Variants in PIEZO2 observed in about 807,000 individuals in gnomAD.
PIEZO2 encodes the protein piezo type mechanosensitive ion channel component 2, also known as piezo-type mechanosensitive ion channel component 2.
Under a neutral mutation model 337.3 loss-of-function variants are expected in PIEZO2, and 172 were observed. That is an observed-to-expected ratio of 0.51 (90% CI 0.45 to 0.58). The LOEUF is 0.58. Among genes scored for constraint, PIEZO2 ranks in the 20% least tolerant of loss-of-function variants. PIEZO2 has a pLI of 0.00. For missense variants in PIEZO2, 3,028 were observed against 3,391.3 expected (o/e 0.89, Z 2.66); for synonymous variants, 1,251 against 1,228.5 (o/e 1.02, Z -0.38).
intron 2 of PIEZO2, among the ~76,000 whole-genome samples, chr18:11,008,480 C>T (rs1218303920): frequency 6.6e-6 from 1 of 152,188 alleles, no homozygotes; most frequent in Non-Finnish European, 1.5e-5. Context: ...CAACGACTTT[C>T]CCAGTTCCCA....
At chr18:11,084,605 T>C (rs185596271) in intron 1 of PIEZO2, among the ~76,000 whole-genome samples, 363 of 152,226 alleles carry the variant, frequency 2.4e-3, no homozygotes, top group African/African-American at 8.5e-3. Flanking sequence ...TGTGGATCCC[T>C]ATGTGATTTG....
intron 1 of PIEZO2, among the ~76,000 whole-genome samples, chr18:11,134,446 C>T (rs1036758715): frequency 2.0e-5 from 3 of 152,168 alleles, no homozygotes; most frequent in African/African-American, 7.2e-5. Context: ...ACGGCTGTGA[C>T]AGTGACCACC....
At position 11,078,061 on chromosome 18, in the gene PIEZO2, CACACACCA is replaced by C. The variant is rs1430944103; in HGVS notation, c.65-11847_65-11840del. On this transcript the variant is annotated intron_variant, in intron 1 of 55. Coordinates refer to ENST00000674853, the MANE Select transcript of PIEZO2 (RefSeq NM_001378183.1). The surrounding 1 kb of genome is among the most constrained non-coding windows in gnomAD (Gnocchi z 5.3). ...CCACACACACCCACACACACACACA[CACACACCA>C]CACACACAAAAACAAACATACACAC... 1.3e-5 allele frequency among the ~76,000 whole-genome samples: 2 copies of C among 148,378 alleles called. No individual in the cohort carries two copies. The highest frequency in any genetic ancestry group is 4.0e-4 in the East Asian group (2 of 5,006).
intron 1 of PIEZO2, among the ~76,000 whole-genome samples, chr18:11,071,312 C>T (rs2038072040): frequency 6.6e-6 from 1 of 152,222 alleles, no homozygotes; most frequent in South Asian, 2.1e-4. Context: ...GCTGCTTTTT[C>T]TCTCCTGCTT....
rs1347665878 is a variant in PIEZO2, at chr18:11,125,763, G to A, written c.64+22762C>T. 6.6e-6 allele frequency among the ~76,000 whole-genome samples: 1 copy of A among 152,202 alleles called. No homozygotes were observed. Among genetic ancestry groups the A allele is most frequent in the Non-Finnish European group, 1.5e-5 (1 of 68,044 alleles). ...CAACTCCGGATCCTCTCTCTGAGCA[G>A]TGCCAATTTTTCCAAAGTGTTTAGA... On this transcript the variant is annotated intron_variant, in intron 1 of 55. Coordinates refer to ENST00000674853, the MANE Select transcript of PIEZO2 (RefSeq NM_001378183.1). The surrounding 1 kb of genome is among the most constrained non-coding windows in gnomAD (Gnocchi z 4.4).
chr18:10,731,284 G>C, intron 36 of PIEZO2, 123 bp downstream of exon 36: 1 of 520,396 alleles, frequency 1.9e-6, no homozygotes, highest in Non-Finnish European at 3.1e-6. Flanking sequence ...AATTAAAACT[G>C]TTGGCATTCT....
chr18:11,084,282 C>T (rs951908549), intron 1 of PIEZO2, among the ~76,000 whole-genome samples: 1 of 151,748 alleles, frequency 6.6e-6, no homozygotes, highest in African/African-American at 2.4e-5. Context: ...TCTTTATCAT[C>T]CTTTGTTGAA....
Position 11,091,386 on chromosome 18 carries a change from AAAAAAAAAAAAAAG to A in PIEZO2, c.65-25178_65-25165del, listed in dbSNP as rs199694134. Among the ~76,000 whole-genome samples, 48 of 120,264 alleles carry A rather than the reference AAAAAAAAAAAAAAG, an allele frequency of 4.0e-4. No individual in the cohort carries two copies. In the East Asian group the frequency reaches 8.0e-3, roughly 20 times the overall value. The allele number at this position is 120,264 out of a possible 152,430, so 78.9% of individuals were successfully genotyped here. ...GCAACACAGCAAGACTCCGTCTCAA[AAAAAAAAAAAAAAG>A]AAAAAAAGAAAAAGAAAGGAAAAGA... On this transcript the variant is annotated intron_variant, in intron 1 of 55. Transcript: ENST00000674853.
At position 10,750,040 on chromosome 18, in the gene PIEZO2, C is replaced by G. The variant is rs1598430988; in HGVS notation, c.4264+51G>C. 7.4e-7 allele frequency: 1 copy of G among 1,353,002 alleles called. No homozygotes were observed. Among genetic ancestry groups the G allele is most frequent in the East Asian group, 2.5e-5 (1 of 39,992 alleles). 83.8% of individuals were successfully genotyped at this position (1,353,002 alleles called of 1,614,324 possible). A position where few individuals can be genotyped will look rare whatever the true frequency, so the allele number is the denominator to read the frequency against. On this transcript the variant is annotated intron_variant, in intron 29 of 55. Coordinates refer to ENST00000674853, the MANE Select transcript of PIEZO2 (RefSeq NM_001378183.1). The surrounding 1 kb of genome is among the most constrained non-coding windows in gnomAD (Gnocchi z 4.1). ...CACTTTTAAAACTAGAACAATACAA[C>G]TATCCTCCCTCTTCTGCCTTTCTGC...
rs1045607042 is a variant in PIEZO2 at position 11,110,466 on chromosome 18, C to T, written c.64+38059G>A. Among the ~76,000 whole-genome samples, 6 of 152,342 alleles carry T rather than the reference C, an allele frequency of 3.9e-5. No individual in the cohort carries two copies. Among genetic ancestry groups the T allele is most frequent in the Admixed American group, 3.3e-4 (5 of 15,310 alleles). ...TGCGGCCTTAACTCCTCACAAGTCC[C>T]GTGGGTCCCCATGTGACCTCAGTCC... On this transcript the variant is annotated intron_variant, in intron 1 of 55. Transcript: ENST00000674853. This position sits in a 1 kb window ranked among gnomAD's most constrained non-coding sequence, Gnocchi z 4.2.
chr18:10,964,309 A>T (rs937530701), intron 3 of PIEZO2, among the ~76,000 whole-genome samples: 1 of 152,228 alleles, frequency 6.6e-6, no homozygotes, highest in Non-Finnish European at 1.5e-5. Context: ...ATAAGAAAAA[A>T]TAGGGACAAT....
chr18:10,819,717 T>A lies in PIEZO2; in HGVS notation c.918-12443A>T, dbSNP rs377226959. On this transcript the variant is annotated intron_variant, in intron 7 of 55. Coordinates refer to ENST00000674853, the MANE Select transcript of PIEZO2 (RefSeq NM_001378183.1). This position sits in a 1 kb window ranked among gnomAD's most constrained non-coding sequence, Gnocchi z 4.3. The stretch of plus-strand genomic sequence containing the variant: ...CAGCTTCTTACATGAAGACATAATA[T>A]CTTCACAAAACTTCATACAGAGATA... Among the ~76,000 whole-genome samples the A allele has an allele frequency of 6.6e-6, 1 of 152,214 alleles. No individual in the cohort carries two copies. Among genetic ancestry groups the A allele is most frequent in the Non-Finnish European group, 1.5e-5 (1 of 68,024 alleles).
At chr18:11,090,844 G>A (rs1018017525) in intron 1 of PIEZO2, among the ~76,000 whole-genome samples, 15 of 151,300 alleles carry the variant, frequency 9.9e-5, no homozygotes, top group Non-Finnish European at 1.6e-4. Context: ...ACCCGGGGGG[G>A]CAAAGCTTGC....
In PIEZO2 at chr18:10,697,717, G is replaced by A. The variant is rs771804527; in HGVS notation, c.6827+31C>T. 5.6e-6 allele frequency: 9 copies of A among 1,607,258 alleles called. No homozygotes were observed. The East Asian group carries it at 1.3e-4, about 24-fold the overall frequency. ...ATAAAGCCCAAAACCCTACAATAAAGCACACATGCCATATGTTCTCATGGA... is the reference window on the plus strand; with the variant it reads ...ATAAAGCCCAAAACCCTACAATAAAACACACATGCCATATGTTCTCATGGA... On this transcript the variant is annotated intron_variant, in intron 45 of 55. Coordinates refer to ENST00000674853, the MANE Select transcript of PIEZO2 (RefSeq NM_001378183.1).
At chr18:11,142,778 CA>C (rs11290889) in intron 1 of PIEZO2, among the ~76,000 whole-genome samples, 67,741 of 115,714 alleles carry the variant, frequency 0.59, 18,668 homozygotes, top group African/African-American at 0.68. Context: ...GAGATTATCG[CA>C]AAAAAAAAAA....
At chr18:10,704,772 C>T in intron 41 of PIEZO2, 120 bp from the exon 42 acceptor site, 2 of 1,202,692 alleles carry the variant, frequency 1.7e-6, no homozygotes, top group South Asian at 1.6e-5. Flanking sequence ...GCAACCTCCG[C>T]CTCCCGAACT....
At chr18:10,886,265 C>T (rs371883374) in intron 4 of PIEZO2, among the ~76,000 whole-genome samples, 1 of 134,332 alleles carries the variant, frequency 7.4e-6, no homozygotes, top group Admixed American at 7.8e-5. Flanking sequence ...TGGGATGAGA[C>T]ATTTCAAGAA....
At chr18:10,804,024 T>TA (rs1568077769) in intron 8 of PIEZO2, 30 bp from the exon 9 acceptor site, 115 of 1,536,232 alleles carry the variant, frequency 7.5e-5, no homozygotes, top group Non-Finnish European at 9.4e-5. Flanking sequence ...TCAGTCTTGC[T>TA]TCCTGAGGCA....
At chr18:10,760,449 C>T (rs369224113) in intron 24 of PIEZO2, among the ~76,000 whole-genome samples, 2 of 152,258 alleles carry the variant, frequency 1.3e-5, no homozygotes, top group East Asian at 1.9e-4. Flanking sequence ...TGATTACAGG[C>T]GTGCACCACC....
Sources: gnomAD v4.1 joint callset for allele counts (sites outside exome capture counted in the v4.1 genomes callset) on GRCh38, gnomAD v4.1.1 for gene constraint, Gnocchi (gnomAD v3.1) non-coding constraint, MANE v1.5 for transcripts, NCBI Gene and HGNC (gene_info 2026-07-23, HGNC 2026-07-21) for gene names.